Variants in PCDH15 observed in about 807,000 individuals in gnomAD.
PCDH15 encodes the protein protocadherin-15.
PCDH15 carries 129 observed loss-of-function variants against 178.5 expected under a neutral mutation model. The ratio of observed to expected loss-of-function variants is 0.72; its 90% CI spans 0.63 to 0.84. The LOEUF (loss-of-function observed/expected upper bound fraction) is 0.84, where lower values mean the gene tolerates loss of function less well. Among genes scored for constraint, PCDH15 ranks in the 40% least tolerant of loss-of-function variants. The pLI, the probability that PCDH15 is intolerant of heterozygous loss-of-function variation, is 0.00. For missense variants in PCDH15, 2,230 were observed against 2,099.9 expected (o/e 1.06, Z -1.21); for synonymous variants, 800 against 732.0 (o/e 1.09, Z -1.50).
chr10:55,524,301 G>C (rs1251278074), intron 2 of PCDH15, among the ~76,000 whole-genome samples: 1 of 151,564 alleles, frequency 6.6e-6, no homozygotes, highest in African/African-American at 2.4e-5. Context: ...GGAGAGACAA[G>C]GGATGGTTAT....
At chr10:53,971,835 A>G (rs2089719862) in intron 21 of PCDH15, among the ~76,000 whole-genome samples, 1 of 152,230 alleles carries the variant, frequency 6.6e-6, no homozygotes, top group African/African-American at 2.4e-5. Flanking sequence ...GATACGAAGA[A>G]TCAATACCAT....
chr10:55,609,555 A>G (rs1256775144), intron 2 of PCDH15, among the ~76,000 whole-genome samples: 1 of 152,134 alleles, frequency 6.6e-6, no homozygotes, highest in Middle Eastern at 3.2e-3. Flanking sequence ...TTGGAATCAT[A>G]TGTCAAAATG....
intron 8 of PCDH15, among the ~76,000 whole-genome samples, chr10:54,257,213 C>T (rs959321865): frequency 6.6e-6 from 1 of 151,942 alleles, no homozygotes; most frequent in Non-Finnish European, 1.5e-5. Context: ...TATGATACAA[C>T]TAACAATTAA....
At position 55,325,980 on chromosome 10, in the gene PCDH15, G is replaced by GA. The variant is rs555223337; in HGVS notation, c.-155-159330dup. Reference sequence around the variant, plus strand: ...ACATACGTGCAGCCTACAAGTATATGAAAAAAAATGCTCAGCGTCACTAAT... The same window carrying GA: ...ACATACGTGCAGCCTACAAGTATATGAAAAAAAAATGCTCAGCGTCACTAAT... On this transcript the variant is annotated intron_variant, in intron 2 of 5. Transcript: ENST00000613346. Among the ~76,000 whole-genome samples, 536 of 151,908 alleles carry GA rather than the reference G, an allele frequency of 3.5e-3. 2 individuals carry two copies. Among genetic ancestry groups the GA allele is most frequent in the African/African-American group, 0.012 (494 of 41,486 alleles).
At chr10:55,028,809 A>T (rs763555418) in intron 2 of PCDH15, among the ~76,000 whole-genome samples, 4 of 152,120 alleles carry the variant, frequency 2.6e-5, no homozygotes, top group South Asian at 4.1e-4. Context: ...TAAAGATCGT[A>T]CATGTTTATC....
chr10:54,554,458 G>T (rs1391889720), intron 2 of PCDH15, among the ~76,000 whole-genome samples: 1 of 151,930 alleles, frequency 6.6e-6, no homozygotes, highest in Non-Finnish European at 1.5e-5. Flanking sequence ...TAAAAAAATT[G>T]GATTAAAAAA....
At chr10:54,764,515 T>G (rs1450393748) in intron 1 of PCDH15, among the ~76,000 whole-genome samples, 3 of 152,112 alleles carry the variant, frequency 2.0e-5, no homozygotes, top group African/African-American at 4.8e-5. Flanking sequence ...ATTACCAAAT[T>G]TTTATTGCTG....
chr10:54,278,818 C>G (rs1028422145), intron 8 of PCDH15, among the ~76,000 whole-genome samples: 1 of 151,554 alleles, frequency 6.6e-6, no homozygotes, highest in Non-Finnish European at 1.5e-5. Context: ...TACCTTTTAT[C>G]AGGTTATTCT....
chr10:54,447,324 A>G (rs965807510), intron 3 of PCDH15, among the ~76,000 whole-genome samples: 3 of 151,604 alleles, frequency 2.0e-5, no homozygotes, highest in African/African-American at 4.8e-5. Context: ...TGTGCAATCA[A>G]TTTTTTGAAC....
intron 5 of PCDH15, among the ~76,000 whole-genome samples, chr10:54,357,832 C>T (rs1041719172): frequency 1.3e-5 from 2 of 152,042 alleles, no homozygotes; most frequent in Non-Finnish European, 2.9e-5. Context: ...ATCAATGGAA[C>T]AGAACAGAGC....
intron 18 of PCDH15, among the ~76,000 whole-genome samples, chr10:54,035,781 G>T (rs2093403047): frequency 6.6e-6 from 1 of 151,968 alleles, no homozygotes. Flanking sequence ...GAGAAAGGTA[G>T]GTCAAAAGCT....
intron 2 of PCDH15, among the ~76,000 whole-genome samples, chr10:55,047,719 C>G (rs968905655): frequency 6.6e-6 from 1 of 151,598 alleles, no homozygotes; most frequent in African/African-American, 2.4e-5. Context: ...TACAATTCCC[C>G]TACTTTCCAA....
intron 2 of PCDH15, among the ~76,000 whole-genome samples, chr10:54,574,556 T>A (rs1423901305): frequency 6.8e-6 from 1 of 146,848 alleles, no homozygotes; most frequent in Middle Eastern, 3.2e-3. Flanking sequence ...AAAATGCTCA[T>A]CATCACTGGC....
At chr10:55,001,210 T>A (rs1839787357) in intron 2 of PCDH15, among the ~76,000 whole-genome samples, 1 of 152,184 alleles carries the variant, frequency 6.6e-6, no homozygotes, top group Non-Finnish European at 1.5e-5. Context: ...ACTTCGGGTC[T>A]CCTGAGAGCT....
intron 2 of PCDH15, among the ~76,000 whole-genome samples, chr10:55,334,826 T>C (rs1043386804): frequency 6.6e-6 from 1 of 152,088 alleles, no homozygotes; most frequent in Non-Finnish European, 1.5e-5. Context: ...GAGAAAATAA[T>C]TACCTCCTTG....
intron 10 of PCDH15, among the ~76,000 whole-genome samples, chr10:54,207,668 G>A (rs562219221): frequency 1.2e-4 from 19 of 152,046 alleles, no homozygotes; most frequent in African/African-American, 2.9e-4. Flanking sequence ...GGTGTACAAC[G>A]TCACACTGTA....
At chr10:54,923,891 C>A (rs2131846357) in intron 2 of PCDH15, among the ~76,000 whole-genome samples, 1 of 138,146 alleles carries the variant, frequency 7.2e-6, no homozygotes, top group Non-Finnish European at 1.7e-5. Context: ...CTCACCATTA[C>A]CCAGTTCAAA....
chr10:54,217,760 T>C (rs886490167), intron 9 of PCDH15, among the ~76,000 whole-genome samples: 3 of 152,174 alleles, frequency 2.0e-5, no homozygotes, highest in Admixed American at 6.5e-5. Flanking sequence ...TATTTACCAA[T>C]AAAAGCACTT....
chr10:55,530,814 G>T (rs1365646314), intron 2 of PCDH15, among the ~76,000 whole-genome samples: 2 of 151,910 alleles, frequency 1.3e-5, no homozygotes, highest in African/African-American at 2.4e-5. Flanking sequence ...GAGGAAGCAG[G>T]ATTATTTTAA....
Sources: allele counts gnomAD v4.1 joint callset (sites outside exome capture counted in the v4.1 genomes callset), GRCh38; gene constraint gnomAD v4.1.1; transcripts MANE v1.5; gene names NCBI Gene and HGNC (gene_info 2026-07-23, HGNC 2026-07-21).